The following LRSAM1 variants were observed in gnomAD, a reference collection of about 807,000 sequenced individuals.
LRSAM1 encodes the protein E3 ubiquitin-protein ligase LRSAM1.
LRSAM1 carries 96 observed loss-of-function variants against 118.1 expected under a neutral mutation model. That is an observed-to-expected ratio of 0.81 (90% CI 0.69 to 0.96). LRSAM1 has a LOEUF of 0.96. LRSAM1 is among the 40% of genes least tolerant of loss of function. The pLI, the probability that LRSAM1 is intolerant of heterozygous loss-of-function variation, is 0.00. For missense variants in LRSAM1, 804 were observed against 915.5 expected (o/e 0.88, Z 1.57); for synonymous variants, 322 against 364.2 (o/e 0.88, Z 1.32).
intron 7 of LRSAM1, among the ~76,000 whole-genome samples, chr9:127,459,523 G>T (rs747861339): frequency 6.6e-5 from 10 of 151,560 alleles, no homozygotes; most frequent in Admixed American, 4.6e-4. Context: ...CTGACCAATT[G>T]TACCACTTTG....
At chr9:127,477,335 A>C (rs1258573898) in intron 11 of LRSAM1, among the ~76,000 whole-genome samples, 1 of 152,186 alleles carries the variant, frequency 6.6e-6, no homozygotes, top group African/African-American at 2.4e-5. Flanking sequence ...TTGAAGATTA[A>C]TTTTAAAATT....
intron 15 of LRSAM1, among the ~76,000 whole-genome samples, chr9:127,482,565 C>T (rs937637329): frequency 6.6e-6 from 1 of 152,206 alleles, no homozygotes; most frequent in Non-Finnish European, 1.5e-5. Context: ...ATTTCTCCAC[C>T]ACCATCACCA....
At chr9:127,485,472 CGGGAACCT>C (rs1835695570) in intron 16 of LRSAM1, among the ~76,000 whole-genome samples, 1 of 152,068 alleles carries the variant, frequency 6.6e-6, no homozygotes, top group Non-Finnish European at 1.5e-5. Flanking sequence ...AGGAGAATGG[CGGGAACCT>C]GGGAGGCAGA....
chr9:127,469,010 T>A (rs1229847297), intron 10 of LRSAM1, among the ~76,000 whole-genome samples: 1 of 151,936 alleles, frequency 6.6e-6, no homozygotes, highest in Non-Finnish European at 1.5e-5. Flanking sequence ...TCAAAATGTC[T>A]CTTCCTCAAA....
chr9:127,459,930 G>C (rs1440472714), intron 7 of LRSAM1, among the ~76,000 whole-genome samples: 1 of 152,172 alleles, frequency 6.6e-6, no homozygotes, highest in Non-Finnish European at 1.5e-5. Flanking sequence ...ATAACTCATA[G>C]CATCCTTTGG....
intron 9 of LRSAM1, among the ~76,000 whole-genome samples, chr9:127,464,271 C>T (rs1305537797): frequency 3.3e-5 from 5 of 152,234 alleles, no homozygotes; most frequent in African/African-American, 9.7e-5. Context: ...TCTCTGCTGC[C>T]TACTGGAACT....
intron 12 of LRSAM1, 61 bp from the exon 13 acceptor site, chr9:127,479,322 C>T (rs1835444810): frequency 6.2e-7 from 1 of 1,613,058 alleles, no homozygotes; most frequent in East Asian, 2.2e-5. Context: ...ATTCTCCCGA[C>T]TTCTGTGTCC....
In LRSAM1 at chr9:127,478,925, T is replaced by C; in HGVS notation, c.751-9T>C. ...CCCTCTCTTGACCACTGTCTTTTTT[T>C]CCTCCCAGAACAGGTTCTCAGACTA... is the stretch of plus-strand genomic sequence containing the variant. On this transcript the variant is annotated splice_polypyrimidine_tract_variant and intron_variant, in intron 11 of 25. Transcript: ENST00000300417. 2 of 1,614,074 alleles carry C rather than the reference T, an allele frequency of 1.2e-6. No homozygotes were observed. The highest frequency in any genetic ancestry group is 2.2e-5 in the South Asian group (2 of 91,084).
chr9:127,483,749 C>T (rs1300270034), intron 16 of LRSAM1, among the ~76,000 whole-genome samples: 5 of 152,250 alleles, frequency 3.3e-5, no homozygotes, highest in Admixed American at 1.3e-4. Context: ...CTGCAACCTC[C>T]GCCTCCCAGG....
chr9:127,484,089 CT>C (rs1183684213), intron 16 of LRSAM1, among the ~76,000 whole-genome samples: 9 of 152,148 alleles, frequency 5.9e-5, no homozygotes, highest in Non-Finnish European at 1.2e-4. Context: ...CCGTGCCCCC[CT>C]CCCCTCAGCC....
At chr9:127,491,783 G>A (rs879917777) in intron 20 of LRSAM1, among the ~76,000 whole-genome samples, 3 of 152,204 alleles carry the variant, frequency 2.0e-5, no homozygotes, top group Non-Finnish European at 4.4e-5. Flanking sequence ...ACACAGATGA[G>A]AGGGCAGCAG....
At chr9:127,455,097 G>C in intron 4 of LRSAM1, 43 bp downstream of exon 4, 2 of 1,594,400 alleles carry the variant, frequency 1.3e-6, no homozygotes, top group Non-Finnish European at 1.7e-6. Flanking sequence ...GATCTGTCCC[G>C]TTTTCTTGGA....
intron 22 of LRSAM1, 30 bp downstream of exon 22, chr9:127,495,448 G>A: frequency 6.3e-7 from 1 of 1,596,476 alleles, no homozygotes; most frequent in Non-Finnish European, 8.6e-7. Flanking sequence ...GTCCCGGCCA[G>A]GGAGCCCTGG....
At chr9:127,495,637 G>C (rs966294058) in intron 22 of LRSAM1, among the ~76,000 whole-genome samples, 2 of 152,234 alleles carry the variant, frequency 1.3e-5, no homozygotes, top group Non-Finnish European at 2.9e-5. Flanking sequence ...GTGCAGGGCA[G>C]AGACCACTGA....
chr9:127,482,547 A>AG (rs1835579614), intron 15 of LRSAM1, among the ~76,000 whole-genome samples: 2 of 152,190 alleles, frequency 1.3e-5, no homozygotes, highest in African/African-American at 4.8e-5. Context: ...CAGTGTAGGA[A>AG]AGTGCCCATT....
In LRSAM1 at chr9:127,496,004, A is replaced by G. The variant is rs1293179625; in HGVS notation, c.1739A>G (p.Glu580Gly). Reference protein sequence around the residue: ...MERQLVALLEELSAEHYLPIF... With the variant: ...MERQLVALLEGLSAEHYLPIF... The stretch of plus-strand genomic sequence containing the variant: ...CGCCAGCTGGTGGCCCTCCTGGAGG[A>G]GCTGTCGGCTGAGCACTACCTGCCC... Residue 580 changes from glutamate (E) to glycine (G), a missense_variant, in exon 23 of 26, where the codon GAG becomes GGG. Physicochemically the swap from Glu to Gly is moderately conservative, Grantham distance 98. Coordinates refer to ENST00000300417, the MANE Select transcript of LRSAM1 (RefSeq NM_001005373.4). 1.9e-6 allele frequency: 3 copies of G among 1,612,712 alleles called. No individual in the cohort carries two copies. The South Asian group carries it at 3.3e-5, about 18-fold the overall frequency.
At position 127,454,590 on chromosome 9, in the gene LRSAM1, G is replaced by A. The variant is rs1057521344; in HGVS notation, c.63G>A (p.Gln21=). The A allele has an allele frequency of 4.3e-6, 7 of 1,613,764 alleles. No individual in the cohort carries two copies. Among genetic ancestry groups the A allele is most frequent in the Admixed American group, 1.7e-5 (1 of 59,986 alleles). Residue 21 remains glutamine (Q), a synonymous_variant, in exon 3 of 26, where the codon CAG becomes CAA. Transcript: ENST00000300417. ...SEEARKRLEY[Q]MCLAKEAGAD... is the part of the protein sequence containing the mutation. ...AGGCTCGGAAACGCCTGGAGTACCA[G>A]ATGTGTTTGGTGAGGGAAAGTGGGT...
intron 10 of LRSAM1, among the ~76,000 whole-genome samples, chr9:127,472,852 G>A (rs1266097941): frequency 6.6e-6 from 1 of 152,112 alleles, no homozygotes; most frequent in Non-Finnish European, 1.5e-5. Flanking sequence ...CTGTTGGAAG[G>A]CATTTCCAGT....
intron 16 of LRSAM1, among the ~76,000 whole-genome samples, chr9:127,483,453 A>G (rs1309588475): frequency 2.6e-5 from 4 of 152,126 alleles, no homozygotes; most frequent in African/African-American, 4.8e-5. Context: ...TCTCAGAAAA[A>G]AAAAAAAAGA....
Sources: allele counts gnomAD v4.1 joint callset (sites outside exome capture counted in the v4.1 genomes callset), GRCh38; gene constraint gnomAD v4.1.1; transcripts MANE v1.5; gene names NCBI Gene and HGNC (gene_info 2026-07-23, HGNC 2026-07-21).